The following RYR3 variants were observed in gnomAD, a reference collection of about 807,000 sequenced individuals.
RYR3 encodes the protein ryanodine receptor 3.
RYR3 carries 207 observed loss-of-function variants against 584.3 expected under a neutral mutation model. The ratio of observed to expected loss-of-function variants is 0.35; its 90% confidence interval spans 0.32 to 0.40. The LOEUF is 0.40. RYR3 is among the 10% of genes least tolerant of loss of function. The pLI is 1.00. For missense variants in RYR3, 5,616 were observed against 6,089.2 expected (o/e 0.92, Z 2.59); for synonymous variants, 2,416 against 2,248.5 (o/e 1.07, Z -2.11).
At chr15:33,803,394 C>T (rs758631911) in intron 69 of RYR3, among the ~76,000 whole-genome samples, 3 of 152,222 alleles carry the variant, frequency 2.0e-5, no homozygotes, top group Non-Finnish European at 4.4e-5. Flanking sequence ...TCAAATCCAC[C>T]TTTCGGGGAC....
At chr15:33,496,431 A>T (rs1159171464) in intron 2 of RYR3, among the ~76,000 whole-genome samples, 1 of 152,140 alleles carries the variant, frequency 6.6e-6, no homozygotes, top group East Asian at 1.9e-4. Context: ...GGGGAAATTG[A>T]AGGCCTGATG....
At chr15:33,689,913 A>C (rs1163104097) in intron 38 of RYR3, among the ~76,000 whole-genome samples, 2 of 152,204 alleles carry the variant, frequency 1.3e-5, no homozygotes, top group Non-Finnish European at 2.9e-5. Flanking sequence ...TTTCTTGTAG[A>C]GTACTTAACC....
rs981485552 is a variant in RYR3, at chr15:33,390,575, A to G, written c.51+79479A>G. ...GTGTGGAGAGAAGAGTTAACAAAGCAGGCATGAGGAGGCTATGTTTAGAAG... is the reference window on the plus strand; with the variant it reads ...GTGTGGAGAGAAGAGTTAACAAAGCGGGCATGAGGAGGCTATGTTTAGAAG... On this transcript the variant is annotated intron_variant, in intron 1 of 103. Coordinates refer to ENST00000634891, the MANE Select transcript of RYR3 (RefSeq NM_001036.6). This position sits in a 1 kb window ranked among gnomAD's most constrained non-coding sequence, Gnocchi z 4.2. Among the ~76,000 whole-genome samples the G allele has an allele frequency of 6.6e-6, 1 of 152,176 alleles. No individual in the cohort carries two copies. The highest frequency in any genetic ancestry group is 1.5e-5 in the Non-Finnish European group (1 of 68,020).
intron 42 of RYR3, among the ~76,000 whole-genome samples, chr15:33,703,606 C>G (rs957977280): frequency 6.6e-6 from 1 of 151,982 alleles, no homozygotes; most frequent in African/African-American, 2.4e-5. Flanking sequence ...CCCCTATATC[C>G]AAATACAGAA....
At position 33,838,945 on chromosome 15, in the gene RYR3, A is replaced by G. The variant is rs759429280; in HGVS notation, c.12965A>G (p.Lys4322Arg). 122 of 1,608,324 alleles carry G rather than the reference A, an allele frequency of 7.6e-5. No individual in the cohort carries two copies. The highest frequency in any genetic ancestry group is 1.0e-4 in the Non-Finnish European group (118 of 1,177,884). ...PPTLESTVQKKRKAQAAEMKA... is the reference protein window; with the variant it reads ...PPTLESTVQKRRKAQAAEMKA... The stretch of plus-strand genomic sequence containing the variant: ...ACATTAGAGAGTACTGTACAGAAGA[A>G]GAGGAAAGCTCAGGTAAGTGTCATT... Residue 4322 changes from lysine (K) to arginine (R), a missense_variant, in exon 89 of 104, where the codon AAG (lysine) becomes AGG (arginine). Transcript: ENST00000634891.
chr15:33,861,599 C>G (rs1233366713), intron 102 of RYR3, among the ~76,000 whole-genome samples: 1 of 151,872 alleles, frequency 6.6e-6, no homozygotes. Flanking sequence ...CAGTCACTGT[C>G]TTCAATTTTT....
At chr15:33,726,212 A>T (rs1374897189) in intron 45 of RYR3, among the ~76,000 whole-genome samples, 174 bp from the exon 46 acceptor site, 1 of 152,110 alleles carries the variant, frequency 6.6e-6, no homozygotes, top group African/African-American at 2.4e-5. Flanking sequence ...TCTTCTGGAA[A>T]ATCAAGATGC....
rs141807686 is a variant in RYR3 at position 33,634,243 on chromosome 15, G to A, written c.3028-343G>A. ...ATTTTTGTATTTTTCATAGAGATGC[G>A]GTTTCACCATGTTGGCAGACTGGTC... On this transcript the variant is annotated intron_variant, in intron 24 of 103. Coordinates refer to ENST00000634891, the MANE Select transcript of RYR3 (RefSeq NM_001036.6). Among the ~76,000 whole-genome samples the A allele has an allele frequency of 1.5e-3, 224 of 151,868 alleles. 3 individuals carry two copies. Among genetic ancestry groups the A allele is most frequent in the African/African-American group, 4.5e-3 (186 of 41,414 alleles).
chr15:33,851,855 C>G (rs962810321), intron 94 of RYR3: 2 of 152,008 alleles, frequency 1.3e-5, no homozygotes, highest in Non-Finnish European at 2.9e-5. Context: ...ATAAAAAAAT[C>G]AAGGAGCAAT....
At chr15:33,580,575 A>C (rs2058539376) in intron 13 of RYR3, among the ~76,000 whole-genome samples, 1 of 152,322 alleles carries the variant, frequency 6.6e-6, no homozygotes, top group South Asian at 2.1e-4. Flanking sequence ...GTCAGAATTG[A>C]GCATCTGAGT....
intron 16 of RYR3, among the ~76,000 whole-genome samples, chr15:33,589,346 A>C (rs1299438263): frequency 1.3e-5 from 2 of 152,146 alleles, no homozygotes; most frequent in Admixed American, 6.5e-5. Flanking sequence ...TTCCCTGTAA[A>C]TTCTGGGTAT....
chr15:33,563,047 C>T (rs749839295), intron 11 of RYR3, 37 bp downstream of exon 11: 9 of 1,560,002 alleles, frequency 5.8e-6, no homozygotes, highest in Non-Finnish European at 7.9e-6. Flanking sequence ...TTGTTTTACC[C>T]TGAGTTGGAA....
chr15:33,419,399 G>A (rs970628218), intron 1 of RYR3, among the ~76,000 whole-genome samples: 2 of 152,140 alleles, frequency 1.3e-5, no homozygotes, highest in Admixed American at 1.3e-4. Flanking sequence ...GGAAAAGTTG[G>A]CTTTTGGAGG....
intron 69 of RYR3, among the ~76,000 whole-genome samples, chr15:33,806,135 G>A (rs1452340100): frequency 1.3e-5 from 2 of 152,054 alleles, no homozygotes; most frequent in Non-Finnish European, 2.9e-5. Flanking sequence ...GCTTCCCATG[G>A]CCCGGGCTTG....
rs192804706 is a variant in RYR3, at chr15:33,783,392, A to G, written c.9269-2270A>G. On this transcript the variant is annotated intron_variant, in intron 65 of 103. Transcript: ENST00000634891. The stretch of plus-strand genomic sequence containing the variant: ...ACACAGCTGAGGCTGTTTTTCTAGC[A>G]GCTAACTCGGAATTCATTCTGTGGG... 5.4e-4 allele frequency among the ~76,000 whole-genome samples: 83 copies of G among 152,330 alleles called. No individual in the cohort carries two copies. In the South Asian group the frequency reaches 0.016, roughly 30 times the overall value.
intron 12 of RYR3, among the ~76,000 whole-genome samples, chr15:33,568,934 C>G (rs1293664154): frequency 6.6e-6 from 1 of 152,134 alleles, no homozygotes; most frequent in East Asian, 1.9e-4. Context: ...AATATGTTGT[C>G]TTTTGAATCT....
rs545044108 is a variant in RYR3, at chr15:33,418,844, T to C, written c.52-54575T>C. On this transcript the variant is annotated intron_variant, in intron 1 of 103. Transcript: ENST00000634891. ...GAAGTTGAATTGCTTTGGTGGAGAA[T>C]CAAGGCAATAAGCTAGCATGAGGAC... 2.6e-5 allele frequency among the ~76,000 whole-genome samples: 4 copies of C among 152,054 alleles called. No individual in the cohort carries two copies. In the South Asian group the frequency reaches 8.3e-4, roughly 32 times the overall value.
At chr15:33,548,272 A>G in intron 9 of RYR3, 68 bp downstream of exon 9, 3 of 948,232 alleles carry the variant, frequency 3.2e-6, no homozygotes, top group Non-Finnish European at 4.9e-6. Context: ...GTTCTCTTAA[A>G]TATTTCATTC....
At chr15:33,607,495 T>C (rs1194658794) in intron 18 of RYR3, among the ~76,000 whole-genome samples, 1 of 152,116 alleles carries the variant, frequency 6.6e-6, no homozygotes, top group African/African-American at 2.4e-5. Context: ...GAGTTCCTAA[T>C]ATCATAAAAA....
Sources: gnomAD v4.1 joint callset for allele counts (sites outside exome capture counted in the v4.1 genomes callset) on GRCh38, gnomAD v4.1.1 for gene constraint, Gnocchi (gnomAD v3.1) non-coding constraint, MANE v1.5 for transcripts, NCBI Gene and HGNC (gene_info 2026-07-23, HGNC 2026-07-21) for gene names.